ARHGAP32: variants seen among roughly 807,000 people sequenced by gnomAD.
ARHGAP32 encodes rho GTPase-activating protein 32.
Under a neutral mutation model 186.5 loss-of-function variants are expected in ARHGAP32, and 51 were observed. That is an observed-to-expected ratio of 0.27 (90% confidence interval 0.22 to 0.35). The LOEUF (loss-of-function observed/expected upper bound fraction) is 0.35, where lower values mean the gene tolerates loss of function less well. Among genes scored for constraint, ARHGAP32 ranks in the 10% least tolerant of loss-of-function variants. The pLI is 1.00. For missense variants in ARHGAP32, 2,186 were observed against 2,623.5 expected, an observed-to-expected ratio of 0.83 and a Z score of 3.64; for synonymous variants, 950 against 964.3, an observed-to-expected ratio of 0.99 and a Z score of 0.27.
At chr11:129,077,383 G>A (rs920636389) in intron 6 of ARHGAP32, among the ~76,000 whole-genome samples, 2 of 152,146 alleles carry the variant, frequency 1.3e-5, no homozygotes, top group Non-Finnish European at 2.9e-5. Context: ...TTTCTCAGCA[G>A]GGAGGCTTGT....
At chr11:129,138,787 T>C (rs113491436) in intron 2 of ARHGAP32, among the ~76,000 whole-genome samples, 1 of 152,176 alleles carries the variant, frequency 6.6e-6, no homozygotes, top group Admixed American at 6.5e-5. Flanking sequence ...CAATGAGTAT[T>C]ACCAATTTTT....
intron 11 of ARHGAP32, among the ~76,000 whole-genome samples, chr11:129,002,870 G>A (rs1448759787): frequency 1.5e-4 from 22 of 143,574 alleles, no homozygotes; most frequent in South Asian, 4.4e-4. Flanking sequence ...GTGCAGTGGC[G>A]CGATCTCGGC....
rs1373527746 is a variant in ARHGAP32, at chr11:128,973,295, G to C, written c.3211C>G (p.Gln1071Glu). The change falls in exon 22 of 23, where the codon CAG becomes GAG. Residue 1071 changes from glutamine (Q) to glutamate (E), a missense_variant. Physicochemically the swap from Gln to Glu is conservative, Grantham distance 29. Coordinates refer to ENST00000682385, the MANE Select transcript of ARHGAP32 (RefSeq NM_001378024.1). ...GAGGTCCCTGGTCTCTTCAATGACTGAGTTGAGGCTTGCTGTGCGGACTCA... is the reference window on the plus strand; with the variant it reads ...GAGGTCCCTGGTCTCTTCAATGACTCAGTTGAGGCTTGCTGTGCGGACTCA... ...LAESAQQAST[Q>E]SLKRPGTSQA... 5 of 1,614,102 alleles carry C rather than the reference G, an allele frequency of 3.1e-6. No individual in the cohort carries two copies. The highest frequency in any genetic ancestry group is 4.2e-6 in the Non-Finnish European group (5 of 1,180,058).
At chr11:129,267,334 G>A (rs776975362) in intron 1 of ARHGAP32, among the ~76,000 whole-genome samples, 9 of 151,950 alleles carry the variant, frequency 5.9e-5, no homozygotes, top group Non-Finnish European at 8.8e-5. Context: ...ACTGCACTCC[G>A]CTCCAGCCTG....
At chr11:129,019,661 G>A (rs1458877441) in intron 11 of ARHGAP32, among the ~76,000 whole-genome samples, 1 of 151,384 alleles carries the variant, frequency 6.6e-6, no homozygotes, top group African/African-American at 2.4e-5. Context: ...AGTTTATTCG[G>A]TAATATCCTA....
rs75843465 is a variant in ARHGAP32 at position 129,064,138 on chromosome 11, T to A, written c.763-114A>T. The A allele has an allele frequency of 6.2e-4, 394 of 640,300 alleles. 3 individuals are homozygous for A. The African/African-American group carries it at 6.9e-3, about 11-fold the overall frequency. 39.7% of individuals were successfully genotyped at this position (640,300 alleles called of 1,614,324 possible). On this transcript the variant is annotated intron_variant, in intron 8 of 22. Transcript: ENST00000682385. ...AGAGATACAATAACCCAAAGAGTCT[T>A]AAAAAAAAAAACTACCATTTACTGG...
intron 1 of ARHGAP32, among the ~76,000 whole-genome samples, chr11:129,256,422 G>A (rs1945255262): frequency 6.6e-6 from 1 of 152,126 alleles, no homozygotes; most frequent in Middle Eastern, 3.2e-3. Context: ...TAACTACATG[G>A]ACATTCTCTC....
intron 6 of ARHGAP32, among the ~76,000 whole-genome samples, chr11:129,069,590 G>A (rs1940806562): frequency 6.6e-6 from 1 of 152,002 alleles, no homozygotes; most frequent in Admixed American, 6.6e-5. Flanking sequence ...GAGATCAAAG[G>A]TTGCTTTCCA....
At chr11:129,190,316 AATGCGTGAGAGACACTAC>A (rs1272107166) in intron 1 of ARHGAP32, among the ~76,000 whole-genome samples, 1 of 152,224 alleles carries the variant, frequency 6.6e-6, no homozygotes, top group Non-Finnish European at 1.5e-5. Context: ...CTCACTGCTG[AATGCGTGAGAGACACTAC>A]ATGAAATTGG....
intron 6 of ARHGAP32, among the ~76,000 whole-genome samples, chr11:129,071,611 T>C (rs1279626650): frequency 6.6e-6 from 1 of 152,100 alleles, no homozygotes; most frequent in Non-Finnish European, 1.5e-5. Flanking sequence ...TACACTTTTA[T>C]TGGAAATATA....
chr11:129,237,643 G>A (rs889095136), intron 1 of ARHGAP32, among the ~76,000 whole-genome samples: 8 of 152,046 alleles, frequency 5.3e-5, no homozygotes, highest in African/African-American at 1.4e-4. Flanking sequence ...CAAAGGCCTC[G>A]GGGTAAGAGC....
chr11:129,184,663 A>C (rs906535845), intron 1 of ARHGAP32, among the ~76,000 whole-genome samples: 1 of 152,062 alleles, frequency 6.6e-6, no homozygotes, highest in African/African-American at 2.4e-5. Context: ...CCTAACACAA[A>C]GGTTTGACTC....
intron 1 of ARHGAP32, among the ~76,000 whole-genome samples, chr11:129,204,710 T>A (rs1944495387): frequency 1.3e-5 from 2 of 152,210 alleles, no homozygotes; most frequent in Admixed American, 1.3e-4. Context: ...CAACAATGAC[T>A]AGTTTACTTA....
intron 1 of ARHGAP32, among the ~76,000 whole-genome samples, chr11:129,210,429 T>C (rs1307277197): frequency 2.0e-5 from 3 of 152,222 alleles, no homozygotes; most frequent in African/African-American, 7.2e-5. Context: ...GTCCCTGTAT[T>C]ACAGCTGAGA....
chr11:129,024,281 G>A, intron 11 of ARHGAP32: 1 of 426,228 alleles, frequency 2.3e-6, no homozygotes, highest in Non-Finnish European at 3.1e-6. Context: ...CCACACAGGT[G>A]AGCACTTCCT....
In ARHGAP32 at chr11:128,969,743, T is replaced by G; in HGVS notation, c.5470A>C (p.Lys1824Gln). The G allele has an allele frequency of 6.2e-7, 1 of 1,614,184 alleles. No individual in the cohort carries two copies. Among genetic ancestry groups the G allele is most frequent in the East Asian group, 2.2e-5 (1 of 44,888 alleles). ...GCCTTGGCTGCATGGCGGCTCTCCTTTCCTTCTGCCACTGAGAGAAGTCCA... is the reference window on the plus strand; with the variant it reads ...GCCTTGGCTGCATGGCGGCTCTCCTGTCCTTCTGCCACTGAGAGAAGTCCA... ...KTGLLSVAEG[K>Q]ESRHAAKAIS... is the part of the protein sequence containing the mutation. Residue 1824 changes from lysine (K) to glutamine (Q), a missense_variant, in exon 23 of 23, where the codon AAG (lysine) becomes CAG (glutamine). Coordinates refer to ENST00000682385, the MANE Select transcript of ARHGAP32 (RefSeq NM_001378024.1). The surrounding 1 kb of genome is among the most constrained non-coding windows in gnomAD (Gnocchi z 4.8).
At chr11:129,101,610 T>C (rs1272668100) in intron 5 of ARHGAP32, among the ~76,000 whole-genome samples, 4 of 152,082 alleles carry the variant, frequency 2.6e-5, no homozygotes, top group African/African-American at 9.7e-5. Flanking sequence ...ATCTCAAAGC[T>C]TGAAGACAGG....
intron 1 of ARHGAP32, among the ~76,000 whole-genome samples, chr11:129,276,068 G>T (rs906654404): frequency 6.6e-6 from 1 of 152,226 alleles, no homozygotes; most frequent in African/African-American, 2.4e-5. Context: ...CTTCAGCCCA[G>T]AATTTGGAGG....
intron 12 of ARHGAP32, among the ~76,000 whole-genome samples, chr11:128,996,934 T>C (rs1946217916): frequency 6.6e-6 from 1 of 152,102 alleles, no homozygotes; most frequent in Non-Finnish European, 1.5e-5. Flanking sequence ...TGCGTACTAC[T>C]ATGCTGGCTA....
Sources: allele counts gnomAD v4.1 joint callset (sites outside exome capture counted in the v4.1 genomes callset), GRCh38; gene constraint gnomAD v4.1.1; non-coding constraint Gnocchi (gnomAD v3.1); transcripts MANE v1.5; gene names NCBI Gene and HGNC (gene_info 2026-07-23, HGNC 2026-07-21).